Variants in DMGDH observed in about 807,000 individuals in gnomAD.
DMGDH encodes the protein dimethylglycine dehydrogenase, mitochondrial.
A neutral mutation model predicts 95.2 loss-of-function variants in DMGDH; 76 were observed. The observed-to-expected ratio is 0.80, with a 90% confidence interval of 0.66 to 0.97. The LOEUF (loss-of-function observed/expected upper bound fraction) is 0.97, where lower values mean the gene tolerates loss of function less well. Ranked by LOEUF, DMGDH falls within the 50% of genes least tolerant of loss-of-function variation. The pLI is 0.00. For missense variants in DMGDH, 987 were observed against 1,055.0 expected (o/e 0.94, Z 0.89); for synonymous variants, 345 against 377.6 (o/e 0.91, Z 1.00).
chr5:79,033,763 G>A (rs867851946), intron 7 of DMGDH, among the ~76,000 whole-genome samples: 73 of 152,076 alleles, frequency 4.8e-4, no homozygotes, highest in African/African-American at 1.6e-3. Context: ...AGAACTCATC[G>A]CTACAAAAAA....
At chr5:79,032,279 C>A (rs1580202603) in intron 9 of DMGDH, among the ~76,000 whole-genome samples, 1 of 152,188 alleles carries the variant, frequency 6.6e-6, no homozygotes, top group Admixed American at 6.5e-5. Context: ...TTGCTTTGAG[C>A]AATTTCAGGA....
chr5:79,021,990 G>A (rs1424132282), intron 14 of DMGDH, among the ~76,000 whole-genome samples: 1 of 152,084 alleles, frequency 6.6e-6, no homozygotes, highest in Non-Finnish European at 1.5e-5. Context: ...TGATCCCCAG[G>A]GACCCATCTA....
intron 13 of DMGDH, among the ~76,000 whole-genome samples, chr5:79,025,406 G>A (rs1753971890): frequency 6.6e-6 from 1 of 152,082 alleles, no homozygotes; most frequent in Non-Finnish European, 1.5e-5. Flanking sequence ...CCCTAATAGG[G>A]GATCTCTCGT....
At chr5:79,059,890 C>T (rs149333731) in intron 2 of DMGDH, among the ~76,000 whole-genome samples, 1 of 152,150 alleles carries the variant, frequency 6.6e-6, no homozygotes, top group Non-Finnish European at 1.5e-5. Flanking sequence ...GTATGTAATA[C>T]AACACTCCAA....
intron 15 of DMGDH, chr5:79,000,766 G>A: frequency 1.6e-6 from 1 of 631,734 alleles, no homozygotes; most frequent in South Asian, 1.7e-5. Flanking sequence ...TAAATATTTT[G>A]GGAGGAAAAG....
At chr5:79,035,120 T>C (rs1405105889) in intron 7 of DMGDH, among the ~76,000 whole-genome samples, 1 of 151,656 alleles carries the variant, frequency 6.6e-6, no homozygotes, top group Non-Finnish European at 1.5e-5. Flanking sequence ...TTTACATTCC[T>C]TTGGGCATTT....
chr5:79,049,311 A>C (rs1754768553), intron 5 of DMGDH, among the ~76,000 whole-genome samples: 2 of 149,772 alleles, frequency 1.3e-5, no homozygotes, highest in South Asian at 4.1e-4. Flanking sequence ...CATTATGTAC[A>C]TATGTTTATC....
rs147349112 is a variant in DMGDH at position 79,029,721 on chromosome 5, T to A, written c.1814+183A>T. Among the ~76,000 whole-genome samples the A allele has an allele frequency of 6.2e-4, 94 of 152,362 alleles. 3 individuals carry two copies. The East Asian group carries it at 0.015, about 25-fold the overall frequency. On this transcript the variant is annotated intron_variant, in intron 11 of 15. Coordinates refer to ENST00000255189, the MANE Select transcript of DMGDH (RefSeq NM_013391.3). ...AAGTAACCTATGGATGAATTACCTT[T>A]GGGAGGGGCAGGGGCCCTCACTTCA...
At chr5:79,066,881 A>ATATCC (rs1385241271) in intron 1 of DMGDH, among the ~76,000 whole-genome samples, 1 of 152,116 alleles carries the variant, frequency 6.6e-6, no homozygotes, top group East Asian at 1.9e-4. Context: ...GACCATGTAA[A>ATATCC]TATCCTGGTC....
intron 15 of DMGDH, 30 bp from the exon 16 acceptor site, chr5:78,998,327 A>C: frequency 6.3e-7 from 1 of 1,594,164 alleles, no homozygotes. Context: ...AGTCCTCAGC[A>C]TCTTGGTCAC....
chr5:79,047,033 C>T (rs1754695754), intron 5 of DMGDH, among the ~76,000 whole-genome samples: 1 of 151,948 alleles, frequency 6.6e-6, no homozygotes, highest in South Asian at 2.1e-4. Context: ...GCTGTTTTAC[C>T]CATAGATATC....
intron 5 of DMGDH, among the ~76,000 whole-genome samples, chr5:79,045,280 G>A (rs549165523): frequency 6.6e-6 from 1 of 152,240 alleles, no homozygotes; most frequent in Non-Finnish European, 1.5e-5. Flanking sequence ...TCATAAGTAG[G>A]CAGGGAGTTC....
chr5:79,024,418 C>G, intron 13 of DMGDH, 88 bp from the exon 14 acceptor site: 2 of 1,279,114 alleles, frequency 1.6e-6, no homozygotes, highest in Admixed American at 3.5e-5. Flanking sequence ...GGAGAAAGAA[C>G]CCTTTTTGAT....
intron 7 of DMGDH, among the ~76,000 whole-genome samples, chr5:79,033,983 T>C (rs978752383): frequency 2.0e-5 from 3 of 152,066 alleles, no homozygotes; most frequent in Non-Finnish European, 2.9e-5. Flanking sequence ...TAGCTCTTTA[T>C]GGGGAAAAGG....
intron 7 of DMGDH, among the ~76,000 whole-genome samples, chr5:79,041,682 G>A (rs535166519): frequency 6.6e-5 from 10 of 152,238 alleles, no homozygotes; most frequent in Admixed American, 2.6e-4. Flanking sequence ...AATAGAAATG[G>A]CAGGAAATAT....
At chr5:79,060,240 G>A (rs1755159251) in intron 2 of DMGDH, among the ~76,000 whole-genome samples, 1 of 152,122 alleles carries the variant, frequency 6.6e-6, no homozygotes, top group Non-Finnish European at 1.5e-5. Flanking sequence ...TTAGTCCTCA[G>A]CTCTCAAAAC....
chr5:79,034,111 T>C (rs1430494729), intron 7 of DMGDH, among the ~76,000 whole-genome samples: 1 of 152,198 alleles, frequency 6.6e-6, no homozygotes, highest in Non-Finnish European at 1.5e-5. Context: ...TGAGCTATGA[T>C]TATCCTGACT....
chr5:79,056,852 C>T (rs73132138), intron 2 of DMGDH, among the ~76,000 whole-genome samples: 10,841 of 152,080 alleles, frequency 0.071, 862 homozygotes, highest in African/African-American at 0.18. Context: ...GAGACTCTGT[C>T]TCAAAAAAGA....
At chr5:79,038,954 A>G (rs903039053) in intron 7 of DMGDH, among the ~76,000 whole-genome samples, 3 of 151,994 alleles carry the variant, frequency 2.0e-5, no homozygotes, top group Non-Finnish European at 2.9e-5. Context: ...GACACATGAA[A>G]AAATGCTCAT....
Sources: gnomAD v4.1 joint callset for allele counts (sites outside exome capture counted in the v4.1 genomes callset) on GRCh38, gnomAD v4.1.1 for gene constraint, MANE v1.5 for transcripts, NCBI Gene and HGNC (gene_info 2026-07-23, HGNC 2026-07-21) for gene names.